PRSS12: variants seen among roughly 807,000 people sequenced by gnomAD.
PRSS12 encodes the protein neurotrypsin.
Under a neutral mutation model 104.4 loss-of-function variants are expected in PRSS12, and 85 were observed. That is an observed-to-expected ratio of 0.81 (90% CI 0.68 to 0.98). PRSS12 has a LOEUF of 0.98. Ranked by LOEUF, PRSS12 falls within the 50% of genes least tolerant of loss-of-function variation. The pLI is 0.00. For missense variants in PRSS12, 1,141 were observed against 1,139.2 expected (o/e 1.00, Z -0.02); for synonymous variants, 454 against 425.2 (o/e 1.07, Z -0.83).
At chr4:118,293,460 C>T (rs1560765670) in intron 11 of PRSS12, among the ~76,000 whole-genome samples, 1 of 151,988 alleles carries the variant, frequency 6.6e-6, no homozygotes, top group Non-Finnish European at 1.5e-5. Context: ...TATATGAAGA[C>T]AGTTTTGTAA....
At chr4:118,342,177 T>C (rs1375078442) in intron 1 of PRSS12, among the ~76,000 whole-genome samples, 1 of 152,138 alleles carries the variant, frequency 6.6e-6, no homozygotes, top group African/African-American at 2.4e-5. Flanking sequence ...AATTACACAA[T>C]GGAGAAAGGA....
Position 118,281,181 on chromosome 4 carries a change from T to C in PRSS12, c.*755A>G, listed in dbSNP as rs757140548. ...TTGTTAAAAGCAAATATAGTAGATATGTTAATGTGTTGGATAAAATAGGTT... is the reference window on the plus strand; with the variant it reads ...TTGTTAAAAGCAAATATAGTAGATACGTTAATGTGTTGGATAAAATAGGTT... On this transcript the variant is annotated 3_prime_UTR_variant, in exon 13 of 13. Coordinates refer to ENST00000296498, the MANE Select transcript of PRSS12 (RefSeq NM_003619.4). 7 of 152,352 alleles carry C rather than the reference T, an allele frequency of 4.6e-5. No individual in the cohort carries two copies. Among genetic ancestry groups the C allele is most frequent in the Non-Finnish European group, 1.0e-4 (7 of 68,160 alleles). The allele number at this position is 152,352 out of a possible 1,614,324, so 9.4% of individuals were successfully genotyped here.
At chr4:118,338,498 T>G (rs919299107) in intron 1 of PRSS12, among the ~76,000 whole-genome samples, 184 bp from the exon 2 acceptor site, 2 of 152,198 alleles carry the variant, frequency 1.3e-5, no homozygotes, top group African/African-American at 2.4e-5. Flanking sequence ...GCTCCTTCTT[T>G]TTTGTAATTA....
In PRSS12 at chr4:118,352,966, G is replaced by A. The variant is rs1724566006; in HGVS notation, c.-246C>T. The A allele has an allele frequency of 9.7e-7, 1 of 1,031,122 alleles. No homozygotes were observed. 63.9% of individuals were successfully genotyped at this position (1,031,122 alleles called of 1,614,324 possible). A position where few individuals can be genotyped will look rare whatever the true frequency, so the allele number is the denominator to read the frequency against. ...TCTGGAGCTCAGCCGAGCCCCGGCC[G>A]GCGGAGAGGACCGGAAAAGAGAAGG... On this transcript the variant is annotated 5_prime_UTR_variant, in exon 1 of 13. Coordinates refer to ENST00000296498, the MANE Select transcript of PRSS12 (RefSeq NM_003619.4).
chr4:118,328,048 C>T (rs948735642), intron 4 of PRSS12, among the ~76,000 whole-genome samples: 1 of 152,142 alleles, frequency 6.6e-6, no homozygotes, highest in Non-Finnish European at 1.5e-5. Context: ...AAGAATGAAT[C>T]ATAAATTGAG....
rs1724559404 is a variant in PRSS12, at chr4:118,352,785, AG to A, written c.-66del. 4.5e-6 allele frequency: 5 copies of A among 1,104,940 alleles called. No homozygotes were observed. Among genetic ancestry groups the A allele is most frequent in the East Asian group, 4.0e-5 (1 of 24,940 alleles). The allele number at this position is 1,104,940 out of a possible 1,614,324, so 68.4% of individuals were successfully genotyped here. A position where few individuals can be genotyped will look rare whatever the true frequency, so the allele number is the denominator to read the frequency against. On this transcript the variant is annotated 5_prime_UTR_variant, in exon 1 of 13. Coordinates refer to ENST00000296498, the MANE Select transcript of PRSS12 (RefSeq NM_003619.4). The stretch of plus-strand genomic sequence containing the variant: ...TCTCGGGCTTGGAGCGGAGAAGAGG[AG>A]GGGGCGGGGGCGGGGCTGCCGCGTC...
chr4:118,327,161 A>G (rs909807519), intron 4 of PRSS12, among the ~76,000 whole-genome samples: 1 of 149,312 alleles, frequency 6.7e-6, no homozygotes, highest in Admixed American at 6.7e-5. Context: ...AAGAAAAAAA[A>G]TTTTTTTTTT....
chr4:118,290,856 C>A (rs1275631633), intron 11 of PRSS12, among the ~76,000 whole-genome samples: 1 of 151,908 alleles, frequency 6.6e-6, no homozygotes, highest in African/African-American at 2.4e-5. Flanking sequence ...TTCCTTTTCA[C>A]CTATTTCTAT....
rs758768728 is a variant in PRSS12 at position 118,308,658 on chromosome 4, T to C, written c.1490-81A>G. On this transcript the variant is annotated intron_variant, in intron 7 of 12. Coordinates refer to ENST00000296498, the MANE Select transcript of PRSS12 (RefSeq NM_003619.4). ...GCATGAGCGACTCTACAAAACACAATTGTTCTTTTTAATCAGCTATAAAAT... is the reference window on the plus strand; with the variant it reads ...GCATGAGCGACTCTACAAAACACAACTGTTCTTTTTAATCAGCTATAAAAT... 3.2e-6 allele frequency: 5 copies of C among 1,542,292 alleles called. No homozygotes were observed. In the South Asian group the frequency reaches 3.4e-5, roughly 10 times the overall value.
intron 11 of PRSS12, among the ~76,000 whole-genome samples, chr4:118,286,607 A>C (rs1372597928): frequency 6.6e-6 from 1 of 152,222 alleles, no homozygotes; most frequent in Non-Finnish European, 1.5e-5. Flanking sequence ...CACCCAGCAA[A>C]GTGCTTGGCA....
intron 1 of PRSS12, among the ~76,000 whole-genome samples, chr4:118,343,716 A>T (rs913188037): frequency 1.3e-5 from 2 of 152,182 alleles, no homozygotes; most frequent in East Asian, 3.9e-4. Context: ...TGACTGTGCC[A>T]CTATACTCCA....
intron 4 of PRSS12, among the ~76,000 whole-genome samples, chr4:118,320,886 G>C (rs1723599527): frequency 1.3e-5 from 2 of 151,990 alleles, no homozygotes; most frequent in East Asian, 3.9e-4. Context: ...AATTCAAGAG[G>C]AAGGATAAAA....
intron 2 of PRSS12, among the ~76,000 whole-genome samples, chr4:118,336,196 C>G (rs1724061834): frequency 6.6e-6 from 1 of 152,116 alleles, no homozygotes; most frequent in African/African-American, 2.4e-5. Context: ...ATTTTTAAAA[C>G]CTTACACTGT....
At chr4:118,341,580 G>C (rs1182488419) in intron 1 of PRSS12, among the ~76,000 whole-genome samples, 1 of 152,118 alleles carries the variant, frequency 6.6e-6, no homozygotes, top group Admixed American at 6.5e-5. Flanking sequence ...TACTTGGGAG[G>C]CTGAAGCAGG....
chr4:118,316,856 A>ATATATATATC lies in PRSS12; in HGVS notation c.1151-534_1151-533insGATATATATA, dbSNP rs1344199649. On this transcript the variant is annotated intron_variant, in intron 5 of 12. Coordinates refer to ENST00000296498, the MANE Select transcript of PRSS12 (RefSeq NM_003619.4). ...AAAAAAAATATATATATATATATAT[A>ATATATATATC]TCTTTCCTTTTTATTGGTACCCCTA... Among the ~76,000 whole-genome samples, 13 of 146,534 alleles carry ATATATATATC rather than the reference A, an allele frequency of 8.9e-5. No individual in the cohort carries two copies. In the South Asian group the frequency reaches 2.6e-3, roughly 29 times the overall value.
intron 8 of PRSS12, among the ~76,000 whole-genome samples, chr4:118,302,067 T>G (rs1304511535): frequency 6.6e-6 from 1 of 152,216 alleles, no homozygotes; most frequent in Non-Finnish European, 1.5e-5. Context: ...TAAGAAGGAA[T>G]GTTGATTTTA....
intron 1 of PRSS12, among the ~76,000 whole-genome samples, chr4:118,344,060 T>C (rs1442641553): frequency 6.6e-6 from 1 of 152,186 alleles, no homozygotes; most frequent in Non-Finnish European, 1.5e-5. Context: ...ATAGAAAGAA[T>C]GCATACTGGC....
chr4:118,301,195 C>T (rs1236961095), intron 8 of PRSS12, among the ~76,000 whole-genome samples: 1 of 152,032 alleles, frequency 6.6e-6, no homozygotes, highest in African/African-American at 2.4e-5. Flanking sequence ...GTCCCAATAA[C>T]CTGCTGATTT....
chr4:118,352,811 C>T lies in PRSS12; in HGVS notation c.-91G>A. 1.3e-6 allele frequency: 2 copies of T among 1,550,032 alleles called. No homozygotes were observed. The highest frequency in any genetic ancestry group is 1.2e-5 in the South Asian group (1 of 84,424). ...GGGGGCGGGGGCGGGGCTGCCGCGTCCCTCGAATCCCCCAGCCCCCTCCCG... is the reference window on the plus strand; with the variant it reads ...GGGGGCGGGGGCGGGGCTGCCGCGTTCCTCGAATCCCCCAGCCCCCTCCCG... On this transcript the variant is annotated 5_prime_UTR_variant, in exon 1 of 13. Coordinates refer to ENST00000296498, the MANE Select transcript of PRSS12 (RefSeq NM_003619.4).
Sources: gnomAD v4.1 joint callset for allele counts (sites outside exome capture counted in the v4.1 genomes callset) on GRCh38, gnomAD v4.1.1 for gene constraint, MANE v1.5 for transcripts, NCBI Gene and HGNC (gene_info 2026-07-23, HGNC 2026-07-21) for gene names.